Variants in PACSIN2 observed in about 807,000 individuals in gnomAD.
PACSIN2 encodes protein kinase C and casein kinase substrate in neurons 2.
In PACSIN2, 25 loss-of-function variants were observed where a neutral mutation model predicts 63.8. The ratio of observed to expected loss-of-function variants is 0.39; its 90% CI spans 0.29 to 0.55. The LOEUF is 0.55. PACSIN2 is among the 20% of genes least tolerant of loss of function. PACSIN2 has a pLI of 0.62. For synonymous variants in PACSIN2, 255 were observed against 256.2 expected, an observed-to-expected ratio of 1.00 and a Z score of 0.05; for missense variants, 518 against 646.9, an observed-to-expected ratio of 0.80 and a Z score of 2.16.
intron 4 of PACSIN2, 58 bp from the exon 5 acceptor site, chr22:42,888,856 G>C: frequency 6.4e-7 from 1 of 1,558,732 alleles, no homozygotes; most frequent in Non-Finnish European, 8.8e-7. Flanking sequence ...ATCCTCACTA[G>C]AAGTCACACA....
chr22:42,903,826 G>C (rs544722248), intron 2 of PACSIN2, among the ~76,000 whole-genome samples: 2 of 152,296 alleles, frequency 1.3e-5, no homozygotes, highest in South Asian at 4.1e-4. Flanking sequence ...CCTCAATTCT[G>C]TCTCAACTTG....
rs1363899236 is a variant in PACSIN2, at chr22:42,986,737, G to A, written c.-78+28284C>T. On this transcript the variant is annotated intron_variant, in intron 1 of 10. Coordinates refer to ENST00000263246, the MANE Select transcript of PACSIN2 (RefSeq NM_001184970.3). ...TGACCTGAAGACAAAGAACATTCCA[G>A]GAAGTGGGAACCCCACGTGCAAAGA... 2.0e-5 allele frequency among the ~76,000 whole-genome samples: 3 copies of A among 151,988 alleles called. No individual in the cohort carries two copies. In the East Asian group the frequency reaches 5.8e-4, roughly 29 times the overall value.
At chr22:42,894,040 C>T (rs1930110300) in intron 2 of PACSIN2, among the ~76,000 whole-genome samples, 1 of 152,108 alleles carries the variant, frequency 6.6e-6, no homozygotes, top group African/African-American at 2.4e-5. Flanking sequence ...TATTACTTCC[C>T]AATCATAGCT....
intron 7 of PACSIN2, among the ~76,000 whole-genome samples, chr22:42,881,433 G>A (rs1425071278): frequency 6.6e-6 from 1 of 152,232 alleles, no homozygotes; most frequent in African/African-American, 2.4e-5. Flanking sequence ...CCCGGGCTCT[G>A]GCCGCTGCTG....
chr22:42,951,948 C>T (rs996904832), intron 1 of PACSIN2, among the ~76,000 whole-genome samples: 2 of 152,160 alleles, frequency 1.3e-5, no homozygotes, highest in Non-Finnish European at 2.9e-5. Flanking sequence ...TCCCCTCTGC[C>T]GGGAATACCT....
intron 4 of PACSIN2, among the ~76,000 whole-genome samples, chr22:42,890,734 T>C (rs554574050): frequency 2.6e-5 from 4 of 152,188 alleles, no homozygotes; most frequent in Admixed American, 6.5e-5. Flanking sequence ...AAATAAAAAA[T>C]TTAAAGAATG....
Position 42,893,613 on chromosome 22 carries a change from C to T in PACSIN2, c.61G>A (p.Val21Ile), listed in dbSNP as rs1213871395. ...TTCACAGTCCGCTTGTAGTTCCCGA[C>T]CTAGGAGAGAGAACCAGCTGGGAGG... ...VEVSSDSFWE[V>I]GNYKRTVKRI... The change falls in exon 3 of 11, where the codon GTC becomes ATC. Residue 21 changes from valine to isoleucine, a missense_variant and splice_region_variant. By Grantham distance (29) the Val-to-Ile change is conservative. Transcript: ENST00000263246. The T allele has an allele frequency of 6.2e-7, 1 of 1,611,378 alleles. No individual in the cohort carries two copies. Among genetic ancestry groups the T allele is most frequent in the Non-Finnish European group, 8.5e-7 (1 of 1,177,778 alleles).
At chr22:42,877,549 C>T (rs1928738394) in intron 8 of PACSIN2, among the ~76,000 whole-genome samples, 1 of 152,170 alleles carries the variant, frequency 6.6e-6, no homozygotes, top group East Asian at 1.9e-4. Flanking sequence ...AAAATCAGGG[C>T]CAGGGCCTGC....
intron 1 of PACSIN2, among the ~76,000 whole-genome samples, chr22:42,992,965 A>G (rs913154828): frequency 2.0e-5 from 3 of 152,150 alleles, no homozygotes; most frequent in African/African-American, 7.2e-5. Context: ...GGAGTTTGAG[A>G]CCAGCCTGGG....
At chr22:42,900,184 C>A (rs1037373497) in intron 2 of PACSIN2, among the ~76,000 whole-genome samples, 1 of 152,202 alleles carries the variant, frequency 6.6e-6, no homozygotes, top group African/African-American at 2.4e-5. Flanking sequence ...AGGACTCCTG[C>A]CATCTGGTCC....
At chr22:42,949,438 G>A (rs776327713) in intron 1 of PACSIN2, among the ~76,000 whole-genome samples, 17 of 151,128 alleles carry the variant, frequency 1.1e-4, no homozygotes, top group Admixed American at 7.2e-4. Context: ...GACCTTCAAC[G>A]TTAAGCCTCA....
At chr22:42,926,466 A>G (rs910147517) in intron 1 of PACSIN2, among the ~76,000 whole-genome samples, 7 of 152,194 alleles carry the variant, frequency 4.6e-5, no homozygotes, top group African/African-American at 1.2e-4. Flanking sequence ...AAACCACCTC[A>G]TGGCACAGAA....
At chr22:42,874,464 CAG>C (rs1290641692) in intron 10 of PACSIN2, among the ~76,000 whole-genome samples, 1 of 152,304 alleles carries the variant, frequency 6.6e-6, no homozygotes, top group East Asian at 1.9e-4. Context: ...CCTAGCAACA[CAG>C]ATATGTGTGT....
chr22:42,937,108 C>T (rs548836772), intron 1 of PACSIN2, among the ~76,000 whole-genome samples: 1 of 152,320 alleles, frequency 6.6e-6, no homozygotes, highest in East Asian at 1.9e-4. Flanking sequence ...AAACTCCTGC[C>T]CTCATGGGTC....
intron 1 of PACSIN2, chr22:42,959,788 A>G (rs1217180113): frequency 6.6e-6 from 1 of 152,244 alleles, no homozygotes; most frequent in African/African-American, 2.4e-5. Flanking sequence ...AGCCTTCCAC[A>G]GCACACTCAC....
intron 2 of PACSIN2, among the ~76,000 whole-genome samples, chr22:42,905,731 C>CA: frequency 6.6e-6 from 1 of 152,344 alleles, no homozygotes; most frequent in Non-Finnish European, 1.5e-5. Flanking sequence ...CGACGGCCTG[C>CA]AGCAGCCAGC....
intron 1 of PACSIN2, among the ~76,000 whole-genome samples, chr22:42,916,420 G>A (rs114635290): frequency 0.18 from 25,077 of 140,662 alleles, 4,250 homozygotes; most frequent in East Asian, 0.71. Context: ...GGGATGGGGG[G>A]TGGGGAAGGG....
At chr22:42,920,007 C>T (rs1932080708) in intron 1 of PACSIN2, among the ~76,000 whole-genome samples, 1 of 151,656 alleles carries the variant, frequency 6.6e-6, no homozygotes. Context: ...ACTCAAGAAG[C>T]TGAGGTGGGA....
At position 42,908,508 on chromosome 22, in the gene PACSIN2, G is replaced by C. The variant is rs548124720; in HGVS notation, c.60+3513C>G. Among the ~76,000 whole-genome samples the C allele has an allele frequency of 1.2e-3, 187 of 152,346 alleles. 1 individual carries two copies. The highest frequency in any genetic ancestry group is 4.4e-3 in the African/African-American group (181 of 41,586). ...AGTGCCCAGAAGTGGAAAGGCAGGA[G>C]GAGGGCCCCTGGGCTCCTGCAACAA... On this transcript the variant is annotated intron_variant, in intron 2 of 10. Transcript: ENST00000263246.
Sources: allele counts gnomAD v4.1 joint callset (sites outside exome capture counted in the v4.1 genomes callset), GRCh38; gene constraint gnomAD v4.1.1; transcripts MANE v1.5; gene names NCBI Gene and HGNC (gene_info 2026-07-23, HGNC 2026-07-21).